Variants in TJP1 observed in about 807,000 individuals in gnomAD.
The protein encoded by TJP1 is tight junction protein 1.
A neutral mutation model predicts 194.2 loss-of-function variants in TJP1; 43 were observed. The ratio of observed to expected loss-of-function variants is 0.22; its 90% confidence interval spans 0.17 to 0.29. The LOEUF is 0.29. Among genes scored for constraint, TJP1 ranks in the 10% least tolerant of loss-of-function variants. The pLI is 1.00. For synonymous variants in TJP1, 801 were observed against 779.0 expected, an observed-to-expected ratio of 1.03 and a Z score of -0.47; for missense variants, 1,971 against 2,185.7, an observed-to-expected ratio of 0.90 and a Z score of 1.96.
rs148990132 is a variant in TJP1, at chr15:29,854,412, A to G, written c.307-53710T>C. ...ATTATCCAGATGGGCCCTATGTCCAATGATAAATGTCCTTATAAGAGGGAG... is the reference window on the plus strand; with the variant it reads ...ATTATCCAGATGGGCCCTATGTCCAGTGATAAATGTCCTTATAAGAGGGAG... On this transcript the variant is annotated intron_variant, in intron 2 of 28. Coordinates refer to the TJP1 transcript ENST00000356107. 1.3e-3 allele frequency among the ~76,000 whole-genome samples: 201 copies of G among 152,322 alleles called. 1 individual carries two copies. Among genetic ancestry groups the G allele is most frequent in the African/African-American group, 4.3e-3 (178 of 41,578 alleles).
chr15:29,900,093 G>C (rs1435067579), intron 2 of TJP1, among the ~76,000 whole-genome samples: 11 of 152,118 alleles, frequency 7.2e-5, no homozygotes, highest in Non-Finnish European at 1.5e-4. Flanking sequence ...TGATCTTACA[G>C]GGGGTTCAGG....
intron 2 of TJP1, among the ~76,000 whole-genome samples, chr15:29,916,240 C>CAAAAAA (rs199907379): frequency 1.0e-5 from 1 of 96,588 alleles, no homozygotes; most frequent in African/African-American, 3.2e-5. Flanking sequence ...GACTCTGTCT[C>CAAAAAA]AAAAAAAAAA....
At position 29,726,487 on chromosome 15, in the gene TJP1, T is replaced by C. The variant is rs367940038; in HGVS notation, c.2312-8A>G. 6.1e-5 allele frequency: 99 copies of C among 1,612,792 alleles called. No individual in the cohort carries two copies. The African/African-American group carries it at 1.1e-3, about 17-fold the overall frequency. On this transcript the variant is annotated splice_polypyrimidine_tract_variant and splice_region_variant and intron_variant, in intron 17 of 27. Transcript: ENST00000614355. ...AATTTAAGTTAATTGTAGCTGAAAA[T>C]AAATTAACGATGTAGTTTTATGGTT...
intron 10 of TJP1, among the ~76,000 whole-genome samples, chr15:29,740,782 A>G (rs2044361030): frequency 6.6e-6 from 1 of 152,162 alleles, no homozygotes; most frequent in Admixed American, 6.6e-5. Flanking sequence ...TTGGGTTGCT[A>G]ACTACCCTAG....
chr15:29,917,323 C>T (rs2054218684), intron 2 of TJP1, among the ~76,000 whole-genome samples: 1 of 152,152 alleles, frequency 6.6e-6, no homozygotes, highest in South Asian at 2.1e-4. Context: ...GATTAAAGTG[C>T]TATATCCATA....
chr15:29,832,551 T>G (rs1189097423), intron 2 of TJP1, among the ~76,000 whole-genome samples: 4 of 152,232 alleles, frequency 2.6e-5, no homozygotes, highest in African/African-American at 9.6e-5. Context: ...AAAACTGTCT[T>G]AGCTTCTTAG....
At chr15:29,854,872 C>T (rs181846843) in intron 2 of TJP1, among the ~76,000 whole-genome samples, 1 of 151,670 alleles carries the variant, frequency 6.6e-6, no homozygotes, top group Non-Finnish European at 1.5e-5. Flanking sequence ...CAAGAAACAG[C>T]CAAATAGAAA....
intron 25 of TJP1, among the ~76,000 whole-genome samples, chr15:29,708,024 C>T (rs1299354568): frequency 6.6e-6 from 1 of 151,894 alleles, no homozygotes; most frequent in East Asian, 2.0e-4. Flanking sequence ...ATGGTGAAAA[C>T]CTCTACTAAA....
At chr15:29,746,192 G>A (rs958055259) in intron 8 of TJP1, among the ~76,000 whole-genome samples, 1 of 151,946 alleles carries the variant, frequency 6.6e-6, no homozygotes, top group Non-Finnish European at 1.5e-5. Flanking sequence ...TCCTGGCTAC[G>A]GGTGAAACCC....
chr15:29,968,280 CT>C lies in TJP1; in HGVS notation c.173+386del, dbSNP rs142637938. On this transcript the variant is annotated intron_variant, in intron 1 of 28. Coordinates refer to the TJP1 transcript ENST00000356107. ...ACGCACACCGTGATACCAATGAATT[CT>C]TCTGCTGTCTCCGCGAGAGCCTGGC... 4.9e-3 allele frequency: 4,871 copies of C among 985,340 alleles called. 169 individuals are homozygous for C. In the African/African-American group the frequency reaches 0.08, roughly 16 times the overall value. The allele number at this position is 985,340 out of a possible 1,614,324, so 61.0% of individuals were successfully genotyped here.
At chr15:29,929,940 G>C (rs960818364) in intron 2 of TJP1, among the ~76,000 whole-genome samples, 1 of 151,994 alleles carries the variant, frequency 6.6e-6, no homozygotes, top group Non-Finnish European at 1.5e-5. Context: ...TTTTGAAAAA[G>C]AATACTATGA....
chr15:29,705,386 C>A lies in TJP1; in HGVS notation c.5068+142G>T, dbSNP rs2044088564. On this transcript the variant is annotated intron_variant, in intron 26 of 27. Transcript: ENST00000614355. Reference sequence around the variant, plus strand: ...GGCCACCCACTGCTTGCTTGCAACACCGTCCCCAGGGCACCCCTCGCTACA... The same window carrying A: ...GGCCACCCACTGCTTGCTTGCAACAACGTCCCCAGGGCACCCCTCGCTACA... The A allele has an allele frequency of 1.7e-5, 14 of 821,774 alleles. No homozygotes were observed. In the South Asian group the frequency reaches 2.5e-4, roughly 15 times the overall value. The allele number at this position is 821,774 out of a possible 1,614,324, so 50.9% of individuals were successfully genotyped here.
downstream of TJP1, chr15:29,699,386 T>C (rs990578625): frequency 1.3e-5 from 2 of 152,196 alleles, no homozygotes; most frequent in Non-Finnish European, 1.5e-5. Flanking sequence ...ATTCCATTTA[T>C]ATGACACTGT....
chr15:29,793,664 C>G (rs1431073524), intron 2 of TJP1, among the ~76,000 whole-genome samples: 1 of 152,106 alleles, frequency 6.6e-6, no homozygotes, highest in Non-Finnish European at 1.5e-5. Context: ...AACTCACTAA[C>G]TATATAGTAG....
intron 25 of TJP1, among the ~76,000 whole-genome samples, chr15:29,706,973 A>G (rs1385477750): frequency 6.6e-6 from 1 of 152,134 alleles, no homozygotes; most frequent in South Asian, 2.1e-4. Context: ...ATTTTTAGTG[A>G]CACAAAACAA....
At chr15:29,949,501 A>AACCACCACCTCCACCTCCACC (rs2055492706) in intron 2 of TJP1, among the ~76,000 whole-genome samples, 1 of 18,926 alleles carries the variant, frequency 5.3e-5, no homozygotes, top group Admixed American at 6.2e-4. Flanking sequence ...CCACCTCCAC[A>AACCACCACCTCCACCTCCACC]ACCACCACCT....
chr15:29,858,661 A>T (rs2051955963), intron 2 of TJP1, among the ~76,000 whole-genome samples: 1 of 151,558 alleles, frequency 6.6e-6, no homozygotes, highest in African/African-American at 2.4e-5. Flanking sequence ...CTCCCACCTC[A>T]GCCTCCGAGT....
At chr15:29,749,649 G>A (rs2045111665) in intron 8 of TJP1, among the ~76,000 whole-genome samples, 1 of 152,138 alleles carries the variant, frequency 6.6e-6, no homozygotes, top group Admixed American at 6.5e-5. Context: ...TACCTCCCCA[G>A]CACATGGGAG....
intron 5 of TJP1, among the ~76,000 whole-genome samples, chr15:29,765,518 T>C (rs1454828719): frequency 2.0e-5 from 3 of 152,142 alleles, no homozygotes; most frequent in African/African-American, 4.8e-5. Context: ...AAAGAAGTAC[T>C]GCATTATGGA....
Sources: allele counts gnomAD v4.1 joint callset (sites outside exome capture counted in the v4.1 genomes callset), GRCh38; gene constraint gnomAD v4.1.1; transcripts MANE v1.5; gene names NCBI Gene and HGNC (gene_info 2026-07-23, HGNC 2026-07-21).